The following EPB41L5 variants were observed in gnomAD, a reference collection of about 807,000 sequenced individuals.
EPB41L5 encodes band 4.1-like protein 5.
In EPB41L5, 55 loss-of-function variants were observed where a neutral mutation model predicts 106.6. The observed-to-expected ratio is 0.52, with a 90% CI of 0.42 to 0.65. The LOEUF (loss-of-function observed/expected upper bound fraction) is 0.65, where lower values mean the gene tolerates loss of function less well. Ranked by LOEUF, EPB41L5 falls within the 30% of genes least tolerant of loss-of-function variation. The pLI, the probability that EPB41L5 is intolerant of heterozygous loss-of-function variation, is 0.00. For synonymous variants in EPB41L5, 297 were observed against 306.7 expected, an observed-to-expected ratio of 0.97 and a Z score of 0.33; for missense variants, 871 against 882.1, an observed-to-expected ratio of 0.99 and a Z score of 0.16.
intron 19 of EPB41L5, among the ~76,000 whole-genome samples, chr2:120,143,675 T>G (rs2105496091): frequency 6.6e-6 from 1 of 152,228 alleles, no homozygotes; most frequent in Middle Eastern, 3.4e-3. Context: ...GGATTTCAAA[T>G]TCACCTGTTA....
chr2:120,171,599 C>T (rs1687676357), intron 24 of EPB41L5, among the ~76,000 whole-genome samples: 1 of 152,156 alleles, frequency 6.6e-6, no homozygotes, highest in African/African-American at 2.4e-5. Flanking sequence ...ATGCTGTTAG[C>T]TAAGTATAAA....
chr2:120,072,672 A>G (rs1054561559), intron 3 of EPB41L5, among the ~76,000 whole-genome samples: 1 of 152,126 alleles, frequency 6.6e-6, no homozygotes, highest in Admixed American at 6.5e-5. Context: ...TAGCAAACTA[A>G]CACAGGAACA....
intron 2 of EPB41L5, among the ~76,000 whole-genome samples, chr2:120,025,740 C>T (rs184379691): frequency 1.9e-3 from 285 of 152,232 alleles, no homozygotes; most frequent in Admixed American, 3.4e-3. Context: ...TCAGTGCAGT[C>T]CCCATGAGAA....
intron 3 of EPB41L5, among the ~76,000 whole-genome samples, chr2:120,049,876 C>T (rs537271609): frequency 8.5e-5 from 13 of 152,270 alleles, no homozygotes; most frequent in African/African-American, 3.1e-4. Context: ...CAAAATCTCT[C>T]ACCATTTGCT....
chr2:120,119,662 T>A (rs1463506768), intron 16 of EPB41L5, among the ~76,000 whole-genome samples: 1 of 152,062 alleles, frequency 6.6e-6, no homozygotes, highest in Non-Finnish European at 1.5e-5. Context: ...CAAAGATTTA[T>A]TTAGTTAATT....
chr2:120,161,587 C>G (rs1473132934), intron 21 of EPB41L5, among the ~76,000 whole-genome samples: 4 of 152,156 alleles, frequency 2.6e-5, no homozygotes, highest in Non-Finnish European at 5.9e-5. Flanking sequence ...CTAAGTGCTT[C>G]TTAGATGAAA....
At chr2:120,048,314 ATTAG>A (rs1398184815) in intron 3 of EPB41L5, among the ~76,000 whole-genome samples, 9 of 152,146 alleles carry the variant, frequency 5.9e-5, no homozygotes, top group African/African-American at 2.2e-4. Context: ...TTGGTAGTCC[ATTAG>A]TTATTGCCTC....
At chr2:120,020,388 G>T (rs1677840450) in intron 2 of EPB41L5, among the ~76,000 whole-genome samples, 1 of 152,096 alleles carries the variant, frequency 6.6e-6, no homozygotes, top group African/African-American at 2.4e-5. Flanking sequence ...TATTAGATAT[G>T]TACATTATAC....
chr2:120,079,551 T>C (rs1682497427), intron 10 of EPB41L5, among the ~76,000 whole-genome samples: 2 of 152,176 alleles, frequency 1.3e-5, no homozygotes, highest in Admixed American at 1.3e-4. Context: ...TCACCTGCTA[T>C]GAAGGACCAC....
chr2:120,171,884 T>C (rs1225342787), intron 24 of EPB41L5, among the ~76,000 whole-genome samples: 2 of 151,658 alleles, frequency 1.3e-5, no homozygotes, highest in African/African-American at 4.8e-5. Context: ...ATAAAGGCAA[T>C]GTGAATTTTG....
chr2:120,168,146 TTTG>T, intron 24 of EPB41L5, 139 bp downstream of exon 24: 3 of 1,040,820 alleles, frequency 2.9e-6, no homozygotes, highest in Non-Finnish European at 2.7e-6. Flanking sequence ...CTTTTTTCTG[TTTG>T]TTATTTAGTG....
intron 12 of EPB41L5, among the ~76,000 whole-genome samples, chr2:120,091,319 C>T (rs1445995702): frequency 6.6e-6 from 1 of 152,066 alleles, no homozygotes; most frequent in East Asian, 1.9e-4. Context: ...TTAATGTGTA[C>T]TTAGGTGATA....
chr2:120,168,599 C>T (rs1388908902), intron 24 of EPB41L5, among the ~76,000 whole-genome samples: 6 of 152,186 alleles, frequency 3.9e-5, no homozygotes, highest in Admixed American at 1.3e-4. Flanking sequence ...TACCTCAGAC[C>T]TTTTTTCTGA....
Position 120,096,287 on chromosome 2 carries a change from C to T in EPB41L5, c.1178+3011C>T, listed in dbSNP as rs139227877. Reference sequence around the variant, plus strand: ...TTAGTGATTGACTATAATAGCACTCCGCTTTCTGAACAAGGACTCCCCTCA... The same window carrying T: ...TTAGTGATTGACTATAATAGCACTCTGCTTTCTGAACAAGGACTCCCCTCA... On this transcript the variant is annotated intron_variant, in intron 14 of 24. Transcript: ENST00000263713. Among the ~76,000 whole-genome samples the T allele has an allele frequency of 8.3e-4, 127 of 152,110 alleles. 1 individual carries two copies. The highest frequency in any genetic ancestry group is 2.8e-3 in the African/African-American group (116 of 41,488).
At chr2:120,068,482 C>T (rs534482457) in intron 3 of EPB41L5, among the ~76,000 whole-genome samples, 1 of 152,308 alleles carries the variant, frequency 6.6e-6, no homozygotes, top group South Asian at 2.1e-4. Flanking sequence ...GCCAGCACAG[C>T]AGTCTGAAGC....
rs111986877 is a variant in EPB41L5 at position 120,108,942 on chromosome 2, C to G, written c.1337+8128C>G. Among the ~76,000 whole-genome samples the G allele has an allele frequency of 2.4e-3, 366 of 152,266 alleles. 3 individuals are homozygous for G. Among genetic ancestry groups the G allele is most frequent in the African/African-American group, 8.3e-3 (344 of 41,550 alleles). ...CATTAAAATATTTGAGTAGTAAAGGCATTGAATATCAGTCTGAGTCATCCA... is the reference window on the plus strand; with the variant it reads ...CATTAAAATATTTGAGTAGTAAAGGGATTGAATATCAGTCTGAGTCATCCA... On this transcript the variant is annotated intron_variant, in intron 16 of 24. Coordinates refer to ENST00000263713, the MANE Select transcript of EPB41L5 (RefSeq NM_020909.4).
chr2:120,108,845 C>T (rs538475628), intron 16 of EPB41L5, among the ~76,000 whole-genome samples: 28 of 152,220 alleles, frequency 1.8e-4, no homozygotes, highest in African/African-American at 5.5e-4. Context: ...ATTAGAAAGA[C>T]CTGGGAAGAT....
At chr2:120,070,420 C>A (rs1388052054) in intron 3 of EPB41L5, among the ~76,000 whole-genome samples, 1 of 152,176 alleles carries the variant, frequency 6.6e-6, no homozygotes, top group African/African-American at 2.4e-5. Flanking sequence ...GAGCTGGTAC[C>A]ATTCCTTCTG....
intron 14 of EPB41L5, among the ~76,000 whole-genome samples, chr2:120,097,194 GT>G (rs966137436): frequency 6.6e-6 from 1 of 151,304 alleles, no homozygotes; most frequent in Non-Finnish European, 1.5e-5. Context: ...TTAAGGAATG[GT>G]TTTTTTTTAG....
Sources: gnomAD v4.1 joint callset for allele counts (sites outside exome capture counted in the v4.1 genomes callset) on GRCh38, gnomAD v4.1.1 for gene constraint, MANE v1.5 for transcripts, NCBI Gene and HGNC (gene_info 2026-07-23, HGNC 2026-07-21) for gene names.